Variants in SLC35F1 observed in about 807,000 individuals in gnomAD.
SLC35F1 encodes solute carrier family 35 member F1, also known as chromosome 6 open reading frame 169.
In SLC35F1, 14 loss-of-function variants were observed where a neutral mutation model predicts 48.7. That is an observed-to-expected ratio of 0.29 (90% CI 0.19 to 0.45). The LOEUF (loss-of-function observed/expected upper bound fraction) is 0.45, where lower values mean the gene tolerates loss of function less well. Ranked by LOEUF, SLC35F1 falls within the 20% of genes least tolerant of loss-of-function variation. The pLI is 1.00. For synonymous variants in SLC35F1, 190 were observed against 202.2 expected, an observed-to-expected ratio of 0.94 and a Z score of 0.51; for missense variants, 404 against 500.0, an observed-to-expected ratio of 0.81 and a Z score of 1.83.
chr6:117,932,675 A>G (rs1366895142), intron 1 of SLC35F1, among the ~76,000 whole-genome samples: 1 of 152,202 alleles, frequency 6.6e-6, no homozygotes, highest in Admixed American at 6.5e-5. Context: ...TCTGAACTAC[A>G]TCTTTTCAAG....
Position 118,285,352 on chromosome 6 carries a change from G to A in SLC35F1, c.1002+14G>A. 6.2e-7 allele frequency: 1 copy of A among 1,613,520 alleles called. No individual in the cohort carries two copies. The highest frequency in any genetic ancestry group is 1.3e-5 in the African/African-American group (1 of 75,016). ...TTCCACTACAAGGTAAGTTGAGTGAGTGCTCCTTTGTGAAGATGATACTTT... is the reference window on the plus strand; with the variant it reads ...TTCCACTACAAGGTAAGTTGAGTGAATGCTCCTTTGTGAAGATGATACTTT... On this transcript the variant is annotated intron_variant, in intron 7 of 7. Transcript: ENST00000360388.
In SLC35F1 at chr6:117,953,000, G is replaced by A. The variant is rs74403151; in HGVS notation, c.173+45101G>A. ...TGCTCTGGTTGAAGCAGAGAGAAGC[G>A]AGAGAAGTGAGCAGGAAGTGGGCAC... On this transcript the variant is annotated intron_variant, in intron 1 of 7. Transcript: ENST00000360388. 1.5e-3 allele frequency among the ~76,000 whole-genome samples: 234 copies of A among 152,326 alleles called. 3 individuals carry two copies. Among genetic ancestry groups the A allele is most frequent in the Admixed American group, 0.01 (160 of 15,300 alleles).
intron 2 of SLC35F1, among the ~76,000 whole-genome samples, chr6:118,196,789 A>G (rs571353492): frequency 5.8e-4 from 88 of 152,268 alleles, no homozygotes; most frequent in African/African-American, 1.9e-3. Flanking sequence ...AGCTTTTCCC[A>G]TATGTTTTCT....
At chr6:118,157,878 A>C (rs1269252328) in intron 2 of SLC35F1, among the ~76,000 whole-genome samples, 1 of 152,196 alleles carries the variant, frequency 6.6e-6, no homozygotes, top group Non-Finnish European at 1.5e-5. Context: ...ACACCCAGGA[A>C]CAATACTTTC....
intron 1 of SLC35F1, among the ~76,000 whole-genome samples, chr6:117,914,228 A>T (rs866475350): frequency 6.6e-6 from 1 of 151,878 alleles, no homozygotes; most frequent in African/African-American, 2.4e-5. Flanking sequence ...ACTTTGTCTG[A>T]AGAATATTTA....
At chr6:117,949,287 C>T (rs1776333403) in intron 1 of SLC35F1, among the ~76,000 whole-genome samples, 2 of 152,264 alleles carry the variant, frequency 1.3e-5, no homozygotes, top group Middle Eastern at 6.8e-3. Context: ...CTGATGCTGA[C>T]AATGTTAGTT....
chr6:117,973,003 G>A (rs1244246479), intron 1 of SLC35F1, among the ~76,000 whole-genome samples: 1 of 152,174 alleles, frequency 6.6e-6, no homozygotes, highest in Non-Finnish European at 1.5e-5. Flanking sequence ...ATCTGTTACA[G>A]TATCTGTTAG....
At position 118,317,224 on chromosome 6, in the gene SLC35F1, G is replaced by A. The variant is rs1480249532; in HGVS notation, c.*2972G>A. 6.6e-6 allele frequency: 1 copy of A among 152,320 alleles called. No individual in the cohort carries two copies. The highest frequency in any genetic ancestry group is 1.5e-5 in the Non-Finnish European group (1 of 68,052). The allele number at this position is 152,320 out of a possible 1,614,324, so 9.4% of individuals were successfully genotyped here. A position where few individuals can be genotyped will look rare whatever the true frequency, so the allele number is the denominator to read the frequency against. On this transcript the variant is annotated 3_prime_UTR_variant, in exon 8 of 8. Coordinates refer to ENST00000360388, the MANE Select transcript of SLC35F1 (RefSeq NM_001029858.4). ...TCAATGAAAACTTGCACTGGGGACA[G>A]CGCTTGCCTTGGTCAGACCTTCCCA...
At chr6:117,922,424 T>G (rs1037879902) in intron 1 of SLC35F1, among the ~76,000 whole-genome samples, 11 of 152,234 alleles carry the variant, frequency 7.2e-5, no homozygotes, top group African/African-American at 2.2e-4. Context: ...TGCATGTTAC[T>G]TTAAGGACAG....
At chr6:117,914,432 A>G (rs1775803070) in intron 1 of SLC35F1, among the ~76,000 whole-genome samples, 3 of 152,218 alleles carry the variant, frequency 2.0e-5, no homozygotes, top group Admixed American at 2.0e-4. Flanking sequence ...TGACAGGGCT[A>G]CAATTTGTGA....
intron 1 of SLC35F1, among the ~76,000 whole-genome samples, chr6:117,913,201 C>T (rs971948539): frequency 1.3e-5 from 2 of 152,182 alleles, no homozygotes; most frequent in Non-Finnish European, 2.9e-5. Flanking sequence ...CTTGATTATG[C>T]TTCTCAAGAA....
intron 1 of SLC35F1, among the ~76,000 whole-genome samples, chr6:118,148,914 G>T (rs1774015169): frequency 1.3e-5 from 2 of 152,108 alleles, no homozygotes; most frequent in Non-Finnish European, 2.9e-5. Context: ...TTGTCTTTCA[G>T]AGCTAGTAGT....
At chr6:118,126,802 G>GA (rs1773633102) in intron 1 of SLC35F1, among the ~76,000 whole-genome samples, 1 of 151,794 alleles carries the variant, frequency 6.6e-6, no homozygotes. Context: ...TGGTGTATAA[G>GA]AATGCCTGTG....
intron 1 of SLC35F1, among the ~76,000 whole-genome samples, chr6:118,067,442 G>T (rs1380029719): frequency 4.6e-5 from 7 of 152,066 alleles, no homozygotes; most frequent in Non-Finnish European, 8.8e-5. Context: ...AAAGAGAAAA[G>T]GTTGCAGAAC....
intron 3 of SLC35F1, among the ~76,000 whole-genome samples, chr6:118,239,386 G>A (rs1385170842): frequency 6.6e-6 from 1 of 151,700 alleles, no homozygotes. Flanking sequence ...AGGGAGGGAG[G>A]AATGTTAGCT....
chr6:118,077,733 G>T lies in SLC35F1; in HGVS notation c.174-76712G>T, dbSNP rs563405283. Among the ~76,000 whole-genome samples the T allele has an allele frequency of 3.6e-3, 553 of 152,298 alleles. 2 individuals are homozygous for T. Among genetic ancestry groups the T allele is most frequent in the African/African-American group, 0.013 (527 of 41,560 alleles). On this transcript the variant is annotated intron_variant, in intron 1 of 7. Coordinates refer to ENST00000360388, the MANE Select transcript of SLC35F1 (RefSeq NM_001029858.4). The stretch of plus-strand genomic sequence containing the variant: ...AGTGCAGAGCATACAGCTGCCCCTG[G>T]AGGGTCCTAAGATAGATAAAATCAG...
At chr6:118,300,512 C>A (rs77525021) in intron 7 of SLC35F1, among the ~76,000 whole-genome samples, 2 of 152,040 alleles carry the variant, frequency 1.3e-5, no homozygotes. Flanking sequence ...AATCACAAAA[C>A]AATAAAGTTA....
chr6:117,909,294 T>G (rs980499046), intron 1 of SLC35F1, among the ~76,000 whole-genome samples: 1 of 151,232 alleles, frequency 6.6e-6, no homozygotes, highest in South Asian at 2.1e-4. Context: ...TACCTGTGAG[T>G]TTTTTTTTCA....
intron 2 of SLC35F1, among the ~76,000 whole-genome samples, chr6:118,190,020 A>T (rs1774710609): frequency 6.6e-6 from 1 of 152,212 alleles, no homozygotes; most frequent in Admixed American, 6.5e-5. Context: ...ATTAGGTTGC[A>T]GTTAGTTCAC....
Sources: allele counts gnomAD v4.1 joint callset (sites outside exome capture counted in the v4.1 genomes callset), GRCh38; gene constraint gnomAD v4.1.1; transcripts MANE v1.5; gene names NCBI Gene and HGNC (gene_info 2026-07-23, HGNC 2026-07-21).